Variants in NOL4 observed in about 807,000 individuals in gnomAD.
The protein encoded by NOL4 is cancer/testis antigen 125.
NOL4 carries 17 observed loss-of-function variants against 75.9 expected under a neutral mutation model. The ratio of observed to expected loss-of-function variants is 0.22; its 90% CI spans 0.15 to 0.34. The LOEUF (loss-of-function observed/expected upper bound fraction) is 0.34. Ranked by LOEUF, NOL4 falls within the 10% of genes least tolerant of loss-of-function variation. The probability of loss-of-function intolerance (pLI) is 1.00; values close to 1 mark genes in which losing one functional copy is unlikely to be tolerated. For missense variants in NOL4, 614 were observed against 793.5 expected (o/e 0.77, Z 2.72); for synonymous variants, 292 against 289.9 (o/e 1.01, Z -0.07).
intron 8 of NOL4, among the ~76,000 whole-genome samples, chr18:33,953,055 A>T (rs146822072): frequency 1.6e-3 from 247 of 152,110 alleles, no homozygotes; most frequent in African/African-American, 5.6e-3. Context: ...CCTCAATTGG[A>T]TGAGCCTCTT....
At chr18:34,167,577 T>C (rs368659907) in intron 1 of NOL4, among the ~76,000 whole-genome samples, 57 of 138,738 alleles carry the variant, frequency 4.1e-4, no homozygotes, top group Middle Eastern at 3.8e-3. Flanking sequence ...GACAGACAGA[T>C]AGATAGAGGT....
chr18:34,177,152 AAAT>A (rs553071936), intron 1 of NOL4, among the ~76,000 whole-genome samples: 600 of 152,190 alleles, frequency 3.9e-3, no homozygotes, highest in Middle Eastern at 6.8e-3. Flanking sequence ...GGATGAGTGA[AAAT>A]AAGCAAGTCA....
intron 1 of NOL4, among the ~76,000 whole-genome samples, chr18:34,194,457 A>AAGGCAGGC (rs576872798): frequency 6.8e-6 from 1 of 146,206 alleles, no homozygotes; most frequent in African/African-American, 2.5e-5. Flanking sequence ...GGAAGGAAGG[A>AAGGCAGGC]AGGCAGGCAG....
chr18:34,168,290 T>C (rs1436683464), intron 1 of NOL4, among the ~76,000 whole-genome samples: 1 of 151,902 alleles, frequency 6.6e-6, no homozygotes, highest in South Asian at 2.1e-4. Context: ...GGAAGTAAAA[T>C]GGAATACAGA....
chr18:34,187,319 A>G (rs1227662669), intron 1 of NOL4, among the ~76,000 whole-genome samples: 1 of 150,280 alleles, frequency 6.7e-6, no homozygotes, highest in Non-Finnish European at 1.5e-5. Context: ...TTCACTTAGT[A>G]ATTTGCATTT....
chr18:34,034,715 G>A (rs879485009), intron 5 of NOL4, among the ~76,000 whole-genome samples: 4 of 152,004 alleles, frequency 2.6e-5, no homozygotes, highest in Non-Finnish European at 5.9e-5. Flanking sequence ...ACTCCAGCCT[G>A]TGCCACAGAG....
At chr18:33,965,563 A>G (rs2070516061) in intron 6 of NOL4, among the ~76,000 whole-genome samples, 1 of 152,148 alleles carries the variant, frequency 6.6e-6, no homozygotes, top group Non-Finnish European at 1.5e-5. Context: ...GTATCATGGG[A>G]GAGACCCAGT....
intron 10 of NOL4, among the ~76,000 whole-genome samples, chr18:33,860,283 C>G (rs2063043834): frequency 6.6e-6 from 1 of 152,004 alleles, no homozygotes; most frequent in Admixed American, 6.6e-5. Flanking sequence ...CCATATTCTG[C>G]CCCTACCTCC....
At chr18:34,041,878 A>G (rs186506061) in intron 5 of NOL4, among the ~76,000 whole-genome samples, 1 of 152,126 alleles carries the variant, frequency 6.6e-6, no homozygotes, top group Non-Finnish European at 1.5e-5. Context: ...ATACAGGGCT[A>G]CAGTTTATAA....
chr18:34,081,134 T>C (rs2077992013), intron 5 of NOL4, among the ~76,000 whole-genome samples: 1 of 152,232 alleles, frequency 6.6e-6, no homozygotes, highest in Admixed American at 6.5e-5. Context: ...GATTCTATTA[T>C]TAACTTCTCA....
At position 34,033,050 on chromosome 18, in the gene NOL4, GA is replaced by G. The variant is rs575571639; in HGVS notation, c.773-13450del. ...ACCAACACCATAGGTACATATTCAGGAAAAAGTCCTCCCTGATGAAAGCAAA... is the reference window on the plus strand; with the variant it reads ...ACCAACACCATAGGTACATATTCAGGAAAAGTCCTCCCTGATGAAAGCAAA... On this transcript the variant is annotated intron_variant, in intron 5 of 10. Coordinates refer to ENST00000261592, the MANE Select transcript of NOL4 (RefSeq NM_003787.5). Among the ~76,000 whole-genome samples, 8 of 152,170 alleles carry G rather than the reference GA, an allele frequency of 5.3e-5. No individual in the cohort carries two copies. In the East Asian group the frequency reaches 1.5e-3, roughly 29 times the overall value.
chr18:34,152,699 C>T (rs144542210), intron 1 of NOL4, among the ~76,000 whole-genome samples: 9 of 151,896 alleles, frequency 5.9e-5, no homozygotes, highest in African/African-American at 9.6e-5. Flanking sequence ...AATAGCTTCA[C>T]GACTCTGAGG....
intron 1 of NOL4, among the ~76,000 whole-genome samples, chr18:34,131,470 C>G (rs925246960): frequency 3.9e-5 from 6 of 152,022 alleles, no homozygotes; most frequent in African/African-American, 1.4e-4. Flanking sequence ...AGAGAATAAC[C>G]ACCTTTCCTA....
rs2080106616 is a variant in NOL4 at position 34,120,830 on chromosome 18, T to C, written c.414+9041A>G. Among the ~76,000 whole-genome samples the C allele has an allele frequency of 2.0e-5, 3 of 152,138 alleles. No individual in the cohort carries two copies. In the South Asian group the frequency reaches 6.2e-4, roughly 32 times the overall value. On this transcript the variant is annotated intron_variant, in intron 2 of 10. Coordinates refer to ENST00000261592, the MANE Select transcript of NOL4 (RefSeq NM_003787.5). ...AAAGAAACTAGAGGAGGAAAACATA[T>C]ACAGGTAGCAGCATTCTAGGGCACC...
intron 5 of NOL4, among the ~76,000 whole-genome samples, chr18:34,075,193 A>G (rs11878100): frequency 0.39 from 58,727 of 151,998 alleles, 11,527 homozygotes; most frequent in Admixed American, 0.47. Context: ...CAAATATATA[A>G]TGAATCATCT....
chr18:33,972,439 G>A (rs1204515418), intron 6 of NOL4, among the ~76,000 whole-genome samples: 1 of 152,096 alleles, frequency 6.6e-6, no homozygotes, highest in Non-Finnish European at 1.5e-5. Context: ...CCATTAGGAT[G>A]GCAACTATAT....
chr18:33,902,671 T>A (rs2065811306), intron 9 of NOL4, among the ~76,000 whole-genome samples: 1 of 152,138 alleles, frequency 6.6e-6, no homozygotes, highest in South Asian at 2.1e-4. Flanking sequence ...TTCATCAAGT[T>A]TGACTTTGAG....
At chr18:33,937,443 T>C (rs1334434605) in intron 9 of NOL4, among the ~76,000 whole-genome samples, 1 of 152,140 alleles carries the variant, frequency 6.6e-6, no homozygotes, top group Non-Finnish European at 1.5e-5. Flanking sequence ...CAGCAAGCAG[T>C]CAGATGAGTG....
intron 9 of NOL4, among the ~76,000 whole-genome samples, chr18:33,916,148 A>T (rs1350039556): frequency 6.6e-6 from 1 of 152,010 alleles, no homozygotes; most frequent in Non-Finnish European, 1.5e-5. Flanking sequence ...AACATTTTTC[A>T]ATTTTTTGGA....
Sources: gnomAD v4.1 joint callset for allele counts (sites outside exome capture counted in the v4.1 genomes callset) on GRCh38, gnomAD v4.1.1 for gene constraint, MANE v1.5 for transcripts, NCBI Gene and HGNC (gene_info 2026-07-23, HGNC 2026-07-21) for gene names.